DENND2B: variants seen among roughly 807,000 people sequenced by gnomAD.
DENND2B encodes DENN domain-containing protein 2B.
DENND2B carries 32 observed loss-of-function variants against 116.0 expected under a neutral mutation model. The observed-to-expected ratio is 0.28, with a 90% CI of 0.21 to 0.37. The LOEUF is 0.37. Among genes scored for constraint, DENND2B ranks in the 10% least tolerant of loss-of-function variants. DENND2B has a pLI of 1.00. For synonymous variants in DENND2B, 588 were observed against 583.9 expected (o/e 1.01, Z -0.10); for missense variants, 1,276 against 1,477.7 (o/e 0.86, Z 2.24).
At chr11:8,711,686 G>C (rs552376115) in intron 9 of DENND2B, among the ~76,000 whole-genome samples, 5 of 152,044 alleles carry the variant, frequency 3.3e-5, no homozygotes, top group Non-Finnish European at 5.9e-5. Context: ...TGACCAACAT[G>C]GAGAAACCCC....
intron 1 of DENND2B, among the ~76,000 whole-genome samples, chr11:8,782,744 G>T (rs533148269): frequency 1.3e-5 from 2 of 151,804 alleles, no homozygotes; most frequent in Non-Finnish European, 2.9e-5. Flanking sequence ...AAAATTAGGC[G>T]GGCGTGGGGG....
intron 14 of DENND2B, among the ~76,000 whole-genome samples, chr11:8,700,275 C>T (rs769030129): frequency 6.6e-6 from 1 of 152,206 alleles, no homozygotes; most frequent in Non-Finnish European, 1.5e-5. Context: ...GTACCCAGCT[C>T]ATTCCAGCTG....
At position 8,810,501 on chromosome 11, in the gene DENND2B, C is replaced by T. The variant is rs2061295244; in HGVS notation, c.-26+16G>A. On this transcript the variant is annotated intron_variant, in intron 1 of 19. Coordinates refer to ENST00000313726, the MANE Select transcript of DENND2B (RefSeq NM_213618.2). ...GGAAAGGAGGCCAAATGATCCCAGC[C>T]CGGAGCTGCCCTTACCTGAAAGTCC... The T allele has an allele frequency of 6.6e-6, 1 of 152,296 alleles. No homozygotes were observed. The highest frequency in any genetic ancestry group is 1.5e-5 in the Non-Finnish European group (1 of 68,098). 9.4% of individuals were successfully genotyped at this position (152,296 alleles called of 1,614,324 possible). A position where few individuals can be genotyped will look rare whatever the true frequency, so the allele number is the denominator to read the frequency against.
At chr11:8,718,364 A>G (rs1381591671) in intron 4 of DENND2B, 5 of 1,534,936 alleles carry the variant, frequency 3.3e-6, no homozygotes. Flanking sequence ...CCTACTTTGG[A>G]GGGTGGGCAT....
In DENND2B at chr11:8,702,234, G is replaced by A. The variant is rs935631943; in HGVS notation, c.2720+338C>T. Among the ~76,000 whole-genome samples the A allele has an allele frequency of 1.3e-5, 2 of 152,140 alleles. No homozygotes were observed. Among genetic ancestry groups the A allele is most frequent in the Non-Finnish European group, 2.9e-5 (2 of 68,032 alleles). ...CTTTGCCTCCCCCTCCAGAAGAAAT[G>A]CAACCATCCACCAAAAATCTCAATT... is the stretch of plus-strand genomic sequence containing the variant. On this transcript the variant is annotated intron_variant, in intron 14 of 19. Transcript: ENST00000313726. This position sits in a 1 kb window ranked among gnomAD's most constrained non-coding sequence, Gnocchi z 4.6.
chr11:8,709,263 G>A (rs146050996), intron 11 of DENND2B, among the ~76,000 whole-genome samples: 1 of 152,228 alleles, frequency 6.6e-6, no homozygotes, highest in Admixed American at 6.5e-5. Context: ...CCTCTCCCCC[G>A]CCTCCCCTAA....
At position 8,730,012 on chromosome 11, in the gene DENND2B, T is replaced by TGGGGTGGAGGGCAAGG. The variant is rs763491536; in HGVS notation, c.1262_1277dup (p.Ala427LeufsTer30). On this transcript the variant is annotated frameshift_variant, in exon 3 of 20. Coordinates refer to ENST00000313726, the MANE Select transcript of DENND2B (RefSeq NM_213618.2). LOFTEE classifies it high-confidence loss of function. This position sits in a 1 kb window ranked among gnomAD's most constrained non-coding sequence, Gnocchi z 4.1. ...TGGGTCTCCGGGTGACTGGCGGGGC[T>TGGGGTGGAGGGCAAGG]GGGGTGGAGGGCAAGGGAGGTGGAG... 6.2e-7 allele frequency: 1 copy of TGGGGTGGAGGGCAAGG among 1,613,818 alleles called. No individual in the cohort carries two copies. Among genetic ancestry groups the TGGGGTGGAGGGCAAGG allele is most frequent in the Non-Finnish European group, 8.5e-7 (1 of 1,179,978 alleles).
chr11:8,710,788 CACACA>C, intron 11 of DENND2B, 52 bp downstream of exon 11: 79 of 1,484,906 alleles, frequency 5.3e-5, no homozygotes, highest in Non-Finnish European at 6.5e-5. Context: ...CACACACACA[CACACA>C]CCCTGGCCTA....
intron 2 of DENND2B, among the ~76,000 whole-genome samples, chr11:8,866,514 T>C (rs181460366): frequency 6.6e-6 from 1 of 152,298 alleles, no homozygotes; most frequent in Admixed American, 6.5e-5. Context: ...ACAATGAGCT[T>C]TGCCATTCTC....
chr11:8,702,738 G>C lies in DENND2B; in HGVS notation c.2572-18C>G, dbSNP rs765126587. On this transcript the variant is annotated intron_variant, in intron 13 of 19. Transcript: ENST00000313726. This position sits in a 1 kb window ranked among gnomAD's most constrained non-coding sequence, Gnocchi z 4.6. ...TCTAACACCTGCAGGAGAGCGATGG[G>C]AAAGTGGGCCGGGGCCAGCCAAGTG... 6.2e-7 allele frequency: 1 copy of C among 1,609,074 alleles called. No individual in the cohort carries two copies. Among genetic ancestry groups the C allele is most frequent in the Non-Finnish European group, 8.5e-7 (1 of 1,177,662 alleles).
At chr11:8,861,769 G>A (rs1170034681) in intron 2 of DENND2B, among the ~76,000 whole-genome samples, 6 of 152,044 alleles carry the variant, frequency 3.9e-5, no homozygotes, top group African/African-American at 1.2e-4. Context: ...GTAAAGATAC[G>A]GAACCAACCT....
chr11:8,874,036 C>T (rs2063818744), upstream of DENND2B, among the ~76,000 whole-genome samples: 1 of 152,182 alleles, frequency 6.6e-6, no homozygotes, highest in Non-Finnish European at 1.5e-5. Context: ...TATACTTTCC[C>T]ATGTTCCATT....
At chr11:8,796,664 G>A (rs998271160) in intron 1 of DENND2B, among the ~76,000 whole-genome samples, 1 of 152,198 alleles carries the variant, frequency 6.6e-6, no homozygotes, top group African/African-American at 2.4e-5. Flanking sequence ...GAAGAGATCT[G>A]TACGCTAGGA....
intron 1 of DENND2B, among the ~76,000 whole-genome samples, chr11:8,764,030 C>A (rs2055153184): frequency 6.6e-6 from 1 of 151,900 alleles, no homozygotes; most frequent in African/African-American, 2.4e-5. Context: ...TTGAGACCAG[C>A]CTGGCCAACA....
At chr11:8,866,954 A>C (rs2063602043) in intron 2 of DENND2B, among the ~76,000 whole-genome samples, 1 of 152,156 alleles carries the variant, frequency 6.6e-6, no homozygotes, top group Non-Finnish European at 1.5e-5. Context: ...TGGAGAACCG[A>C]GATCATATTT....
At chr11:8,900,482 C>T (rs1467074806) in intron 1 of DENND2B, among the ~76,000 whole-genome samples, 5 of 150,894 alleles carry the variant, frequency 3.3e-5, no homozygotes, top group Non-Finnish European at 7.4e-5. Flanking sequence ...GCCTGTGGTC[C>T]CAGCTACTCA....
intron 1 of DENND2B, among the ~76,000 whole-genome samples, chr11:8,765,588 T>C (rs964875069): frequency 7.2e-5 from 11 of 152,226 alleles, no homozygotes; most frequent in African/African-American, 1.9e-4. Context: ...CACTAATCAA[T>C]CTGGTTCCAA....
chr11:8,770,010 AT>A (rs1235893370), intron 1 of DENND2B, among the ~76,000 whole-genome samples: 1 of 152,118 alleles, frequency 6.6e-6, no homozygotes, highest in Admixed American at 6.6e-5. Flanking sequence ...AGATTTCTTG[AT>A]TTTTTTAACA....
At chr11:8,902,678 A>C (rs2064184805) in intron 1 of DENND2B, among the ~76,000 whole-genome samples, 1 of 152,232 alleles carries the variant, frequency 6.6e-6, no homozygotes, top group Non-Finnish European at 1.5e-5. Context: ...ACTGGACTAC[A>C]ATCAAGGTAT....
Sources: gnomAD v4.1 joint callset for allele counts (sites outside exome capture counted in the v4.1 genomes callset) on GRCh38, gnomAD v4.1.1 for gene constraint, Gnocchi (gnomAD v3.1) non-coding constraint, MANE v1.5 for transcripts, NCBI Gene and HGNC (gene_info 2026-07-23, HGNC 2026-07-21) for gene names.